The following NRXN3 variants were observed in gnomAD, a reference collection of about 807,000 sequenced individuals.
The protein encoded by NRXN3 is neurexin III.
Under a neutral mutation model 137.6 loss-of-function variants are expected in NRXN3, and 32 were observed. That is an observed-to-expected ratio of 0.23 (90% CI 0.18 to 0.31). The LOEUF (loss-of-function observed/expected upper bound fraction) is 0.31, where lower values mean the gene tolerates loss of function less well. NRXN3 is among the 10% of genes least tolerant of loss of function. NRXN3 has a pLI of 1.00. For missense variants in NRXN3, 1,574 were observed against 2,062.5 expected, an observed-to-expected ratio of 0.76 and a Z score of 4.59; for synonymous variants, 798 against 784.5, an observed-to-expected ratio of 1.02 and a Z score of -0.29.
At chr14:78,393,499 G>C (rs375055389) in intron 4 of NRXN3, among the ~76,000 whole-genome samples, 2 of 152,018 alleles carry the variant, frequency 1.3e-5, no homozygotes, top group African/African-American at 4.8e-5. Context: ...GTACTCTGAA[G>C]TATTTATTAC....
chr14:78,703,317 A>G (rs12880185), intron 6 of NRXN3, among the ~76,000 whole-genome samples: 80,878 of 152,052 alleles, frequency 0.53, 25,213 homozygotes, highest in Non-Finnish European at 0.68. Context: ...CCAAGTCATC[A>G]GCTGCCTGAG....
intron 4 of NRXN3, among the ~76,000 whole-genome samples, chr14:78,474,726 G>A (rs1481408178): frequency 2.0e-5 from 3 of 152,188 alleles, no homozygotes; most frequent in Admixed American, 2.0e-4. Flanking sequence ...TACCATAAGG[G>A]CTACTAGAAA....
intron 3 of NRXN3, among the ~76,000 whole-genome samples, chr14:78,293,603 C>T (rs1332692482): frequency 2.0e-5 from 3 of 152,158 alleles, no homozygotes; most frequent in South Asian, 4.1e-4. Flanking sequence ...GTAGGTCCTT[C>T]CCCTGTAACT....
At chr14:78,527,907 A>G (rs1347545562) in intron 4 of NRXN3, among the ~76,000 whole-genome samples, 4 of 152,192 alleles carry the variant, frequency 2.6e-5, no homozygotes, top group African/African-American at 9.7e-5. Context: ...CTGTGAAGTA[A>G]AACTTTATCA....
rs142207269 is a variant in NRXN3 at position 78,329,362 on chromosome 14, G to A, written c.757+31502G>A. ...GGGACCTGAAGAATGACAGTTTTCAGTGTTTGTATATGTCTCTTTAAAAAA... is the reference window on the plus strand; with the variant it reads ...GGGACCTGAAGAATGACAGTTTTCAATGTTTGTATATGTCTCTTTAAAAAA... On this transcript the variant is annotated intron_variant, in intron 4 of 20. Coordinates refer to ENST00000335750, the MANE Select transcript of NRXN3 (RefSeq NM_001330195.2). Among the ~76,000 whole-genome samples, 202 of 152,226 alleles carry A rather than the reference G, an allele frequency of 1.3e-3. 1 individual carries two copies. The highest frequency in any genetic ancestry group is 3.2e-3 in the Admixed American group (49 of 15,274).
intron 16 of NRXN3, among the ~76,000 whole-genome samples, chr14:79,589,199 G>A (rs2097783846): frequency 6.6e-6 from 1 of 152,154 alleles, no homozygotes; most frequent in Non-Finnish European, 1.5e-5. Context: ...AGGCTACAGT[G>A]AGCTGTGATC....
At chr14:79,354,971 G>A (rs1274629472) in intron 15 of NRXN3, among the ~76,000 whole-genome samples, 2 of 152,104 alleles carry the variant, frequency 1.3e-5, no homozygotes, top group Non-Finnish European at 2.9e-5. Context: ...ATTGTTGTTG[G>A]TTTATGATAA....
At chr14:79,778,143 G>A (rs547312401) in intron 19 of NRXN3, among the ~76,000 whole-genome samples, 7 of 152,284 alleles carry the variant, frequency 4.6e-5, no homozygotes, top group Admixed American at 2.0e-4. Flanking sequence ...TAGGCTGGGC[G>A]TGGTGGCTCA....
At chr14:79,182,311 C>G (rs1829038834) in intron 15 of NRXN3, among the ~76,000 whole-genome samples, 1 of 2,448 alleles carries the variant, frequency 4.1e-4, no homozygotes, top group Non-Finnish European at 0.014. Context: ...TCTATTATTA[C>G]TATACTGTAA....
chr14:78,238,771 A>G (rs945878181), intron 1 of NRXN3, among the ~76,000 whole-genome samples: 3 of 152,192 alleles, frequency 2.0e-5, no homozygotes, highest in Non-Finnish European at 4.4e-5. Context: ...GATCCCCCAC[A>G]ATGCAGGGCA....
chr14:78,802,303 T>A (rs895177948), intron 8 of NRXN3, among the ~76,000 whole-genome samples: 1 of 152,148 alleles, frequency 6.6e-6, no homozygotes, highest in African/African-American at 2.4e-5. Context: ...AAACACCACA[T>A]GTTCTCACTC....
At chr14:78,820,278 T>C (rs2098946972) in intron 10 of NRXN3, among the ~76,000 whole-genome samples, 1 of 149,452 alleles carries the variant, frequency 6.7e-6, no homozygotes, top group Non-Finnish European at 1.5e-5. Context: ...TTTTTATGCA[T>C]ATCATAAAAG....
rs527493214 is a variant in NRXN3, at chr14:79,574,237, C to T, written c.3445-89541C>T. On this transcript the variant is annotated intron_variant, in intron 16 of 20. Coordinates refer to ENST00000335750, the MANE Select transcript of NRXN3 (RefSeq NM_001330195.2). ...GTGCATGCACCCACACACACACACACACACATACATATATACATATATGTA... is the reference window on the plus strand; with the variant it reads ...GTGCATGCACCCACACACACACACATACACATACATATATACATATATGTA... Among the ~76,000 whole-genome samples, 4 of 151,934 alleles carry T rather than the reference C, an allele frequency of 2.6e-5. No individual in the cohort carries two copies. In the South Asian group the frequency reaches 8.3e-4, roughly 32 times the overall value.
chr14:78,942,229 T>C (rs2099354488), intron 10 of NRXN3, among the ~76,000 whole-genome samples: 1 of 152,236 alleles, frequency 6.6e-6, no homozygotes, highest in African/African-American at 2.4e-5. Flanking sequence ...CTTCACTTTC[T>C]TTCTCTCTAC....
chr14:79,474,203 C>T (rs1175081661), intron 16 of NRXN3, among the ~76,000 whole-genome samples: 2 of 152,098 alleles, frequency 1.3e-5, no homozygotes, highest in East Asian at 3.9e-4. Flanking sequence ...TCAGCTTCCT[C>T]TTCTTATAAA....
At chr14:79,376,015 C>T (rs1244311235) in intron 15 of NRXN3, among the ~76,000 whole-genome samples, 1 of 146,728 alleles carries the variant, frequency 6.8e-6, no homozygotes, top group African/African-American at 2.5e-5. Context: ...TAATAATATA[C>T]ATATATGTAT....
intron 4 of NRXN3, among the ~76,000 whole-genome samples, chr14:78,357,166 C>T (rs1024087624): frequency 2.6e-5 from 4 of 152,158 alleles, no homozygotes; most frequent in Admixed American, 1.3e-4. Flanking sequence ...ATGAAGAACT[C>T]GTGGTTTCAC....
chr14:78,274,627 A>T (rs1346905194), intron 2 of NRXN3, among the ~76,000 whole-genome samples: 1 of 152,216 alleles, frequency 6.6e-6, no homozygotes, highest in South Asian at 2.1e-4. Flanking sequence ...GAGGATGACC[A>T]TGCTGAGCAT....
At chr14:78,753,859 C>A (rs2098654994) in intron 8 of NRXN3, 1 of 152,204 alleles carries the variant, frequency 6.6e-6, no homozygotes, top group Non-Finnish European at 1.5e-5. Flanking sequence ...AGAATGAGAT[C>A]TAGTCTTGTC....
Sources: allele counts gnomAD v4.1 joint callset (sites outside exome capture counted in the v4.1 genomes callset), GRCh38; gene constraint gnomAD v4.1.1; transcripts MANE v1.5; gene names NCBI Gene and HGNC (gene_info 2026-07-23, HGNC 2026-07-21).